Variants in GRIK2 observed in about 807,000 individuals in gnomAD.
The protein encoded by GRIK2 is glutamate ionotropic receptor kainate type subunit 2.
A neutral mutation model predicts 100.3 loss-of-function variants in GRIK2; 32 were observed. That is an observed-to-expected ratio of 0.32 (90% CI 0.24 to 0.43). The LOEUF (loss-of-function observed/expected upper bound fraction) is 0.43, where lower values mean the gene tolerates loss of function less well. GRIK2 is among the 20% of genes least tolerant of loss of function. GRIK2 has a pLI of 1.00. For synonymous variants in GRIK2, 417 were observed against 389.4 expected, an observed-to-expected ratio of 1.07 and a Z score of -0.83; for missense variants, 843 against 1,114.9, an observed-to-expected ratio of 0.76 and a Z score of 3.47.
chr6:101,881,929 G>A lies in GRIK2; in HGVS notation c.1525-7711G>A, dbSNP rs190089865. The stretch of plus-strand genomic sequence containing the variant: ...GTTGATAAAGACATACCTGAGACTG[G>A]GTAATTCATAAAGAAAAAGTAGTTT... On this transcript the variant is annotated intron_variant, in intron 11 of 16. Coordinates refer to ENST00000369134, the MANE Select transcript of GRIK2 (RefSeq NM_021956.5). Among the ~76,000 whole-genome samples, 167 of 152,098 alleles carry A rather than the reference G, an allele frequency of 1.1e-3. 1 individual carries two copies. Among genetic ancestry groups the A allele is most frequent in the African/African-American group, 3.8e-3 (156 of 41,512 alleles).
chr6:101,695,464 C>T (rs1772416125), intron 7 of GRIK2, among the ~76,000 whole-genome samples: 2 of 152,118 alleles, frequency 1.3e-5, no homozygotes, highest in African/African-American at 4.8e-5. Context: ...CCATAGCACG[C>T]ACTTTTGTGA....
chr6:101,401,008 G>T (rs527940181), intron 2 of GRIK2, among the ~76,000 whole-genome samples: 4 of 152,320 alleles, frequency 2.6e-5, no homozygotes, highest in Admixed American at 6.5e-5. Flanking sequence ...GTGTGTGCAT[G>T]TGTGTTTTTT....
intron 14 of GRIK2, among the ~76,000 whole-genome samples, chr6:102,016,462 T>C (rs533444613): frequency 7.4e-4 from 112 of 151,724 alleles, no homozygotes; most frequent in Admixed American, 1.6e-3. Flanking sequence ...GAATGAACCA[T>C]GTCACATGTA....
intron 2 of GRIK2, among the ~76,000 whole-genome samples, chr6:101,574,385 A>T (rs1378227891): frequency 6.7e-6 from 1 of 148,364 alleles, no homozygotes; most frequent in East Asian, 1.9e-4. Context: ...TATAAAGTGT[A>T]TATATACACT....
chr6:102,063,931 A>G (rs748017765), intron 16 of GRIK2: 1 of 978,086 alleles, frequency 1.0e-6, no homozygotes, highest in East Asian at 2.4e-5. Flanking sequence ...ATACATGCTA[A>G]CAGCTCAAAG....
intron 2 of GRIK2, among the ~76,000 whole-genome samples, chr6:101,602,576 A>C (rs762125211): frequency 1.7e-4 from 26 of 151,230 alleles, no homozygotes; most frequent in Non-Finnish European, 3.4e-4. Flanking sequence ...AAAGAAATGG[A>C]GGGTAATTTA....
At chr6:101,468,669 C>T (rs1195385468) in intron 2 of GRIK2, among the ~76,000 whole-genome samples, 3 of 152,098 alleles carry the variant, frequency 2.0e-5, no homozygotes, top group Admixed American at 6.5e-5. Flanking sequence ...CGATATAGGT[C>T]ACATTTTCCT....
At chr6:101,445,953 A>T (rs1025346235) in intron 2 of GRIK2, among the ~76,000 whole-genome samples, 38 of 152,064 alleles carry the variant, frequency 2.5e-4, no homozygotes, top group Non-Finnish European at 5.0e-4. Context: ...CCCTAATATT[A>T]TAATCATTCC....
chr6:102,031,127 ACC>A (rs398048704), intron 14 of GRIK2, among the ~76,000 whole-genome samples: 1,524 of 57,702 alleles, frequency 0.026, 25 homozygotes, highest in Admixed American at 0.061. Flanking sequence ...ACACACACAC[ACC>A]CCCTTTGAGT....
intron 10 of GRIK2, among the ~76,000 whole-genome samples, chr6:101,825,347 A>C (rs2128425377): frequency 6.6e-6 from 1 of 152,164 alleles, no homozygotes; most frequent in East Asian, 1.9e-4. Context: ...TTTTATTTCA[A>C]ATGTATTTTA....
At chr6:101,395,894 G>C (rs944300225) in intron 1 of GRIK2, among the ~76,000 whole-genome samples, 7 of 151,992 alleles carry the variant, frequency 4.6e-5, no homozygotes, top group Non-Finnish European at 8.8e-5. Context: ...TTGGCTCATA[G>C]AAATAAAGAG....
intron 11 of GRIK2, among the ~76,000 whole-genome samples, chr6:101,879,429 G>A (rs993847443): frequency 6.6e-6 from 1 of 151,538 alleles, no homozygotes; most frequent in African/African-American, 2.4e-5. Context: ...CATTTATTTT[G>A]GGAATGGACT....
At chr6:101,563,800 A>G (rs1777131863) in intron 2 of GRIK2, among the ~76,000 whole-genome samples, 2 of 151,964 alleles carry the variant, frequency 1.3e-5, no homozygotes, top group South Asian at 2.1e-4. Context: ...TGTAAACCCT[A>G]TGAAGTTGAC....
intron 11 of GRIK2, among the ~76,000 whole-genome samples, chr6:101,875,900 C>T (rs1785799415): frequency 6.6e-6 from 1 of 151,826 alleles, no homozygotes; most frequent in South Asian, 2.1e-4. Context: ...ACATATTTTA[C>T]ACACTTGTTT....
chr6:102,044,537 C>A (rs953109807), intron 15 of GRIK2, among the ~76,000 whole-genome samples: 4 of 151,856 alleles, frequency 2.6e-5, no homozygotes, highest in African/African-American at 4.8e-5. Flanking sequence ...AATGCAAAAG[C>A]AGAAACTCTT....
intron 14 of GRIK2, among the ~76,000 whole-genome samples, chr6:101,971,508 C>G (rs976958824): frequency 6.6e-6 from 1 of 151,944 alleles, no homozygotes; most frequent in South Asian, 2.1e-4. Flanking sequence ...AGGTTATTTT[C>G]TAAACATTTG....
chr6:101,846,175 T>G lies in GRIK2; in HGVS notation c.1318-13112T>G, dbSNP rs537077513. Reference sequence around the variant, plus strand: ...GTTTTCACTTATGATAATGTCCAATTTATCTATATATTTTTTGTTGATTGT... The same window carrying G: ...GTTTTCACTTATGATAATGTCCAATGTATCTATATATTTTTTGTTGATTGT... On this transcript the variant is annotated intron_variant, in intron 10 of 16. Coordinates refer to ENST00000369134, the MANE Select transcript of GRIK2 (RefSeq NM_021956.5). 3.9e-5 allele frequency among the ~76,000 whole-genome samples: 6 copies of G among 152,246 alleles called. No individual in the cohort carries two copies. In the South Asian group the frequency reaches 1.0e-3, roughly 26 times the overall value.
chr6:101,901,466 A>G (rs1251579182), intron 12 of GRIK2, among the ~76,000 whole-genome samples: 1 of 151,016 alleles, frequency 6.6e-6, no homozygotes, highest in Non-Finnish European at 1.5e-5. Context: ...ATCTTATTAT[A>G]AAATGATCAA....
At chr6:101,564,057 A>G (rs1777144028) in intron 2 of GRIK2, among the ~76,000 whole-genome samples, 1 of 152,200 alleles carries the variant, frequency 6.6e-6, no homozygotes, top group African/African-American at 2.4e-5. Context: ...CCAAGGCTGA[A>G]TACAAAATAC....
Sources: gnomAD v4.1 joint callset for allele counts (sites outside exome capture counted in the v4.1 genomes callset) on GRCh38, gnomAD v4.1.1 for gene constraint, MANE v1.5 for transcripts, NCBI Gene and HGNC (gene_info 2026-07-23, HGNC 2026-07-21) for gene names.